The following CLMN variants were observed in gnomAD, a reference collection of about 807,000 sequenced individuals.
The protein encoded by CLMN is calmin.
Under a neutral mutation model 92.7 loss-of-function variants are expected in CLMN, and 57 were observed. That is an observed-to-expected ratio of 0.61 (90% CI 0.50 to 0.77). The LOEUF (loss-of-function observed/expected upper bound fraction) is 0.77, where lower values mean the gene tolerates loss of function less well. Ranked by LOEUF, CLMN falls within the 30% of genes least tolerant of loss-of-function variation. The pLI is 0.00. For synonymous variants in CLMN, 466 were observed against 470.6 expected, an observed-to-expected ratio of 0.99 and a Z score of 0.13; for missense variants, 1,158 against 1,237.5, an observed-to-expected ratio of 0.94 and a Z score of 0.96.
At chr14:95,249,809 G>A (rs149861616) in intron 1 of CLMN, among the ~76,000 whole-genome samples, 3,992 of 152,154 alleles carry the variant, frequency 0.026, 192 homozygotes, top group African/African-American at 0.092. Flanking sequence ...TAGCCAGGGT[G>A]GTCTTGATCT....
intron 1 of CLMN, chr14:95,260,590 C>T (rs1566900860): frequency 6.6e-6 from 1 of 152,170 alleles, no homozygotes; most frequent in Non-Finnish European, 1.5e-5. Flanking sequence ...TTTTGACACA[C>T]AATAACAGAA....
chr14:95,319,726 C>A lies in CLMN; in HGVS notation c.67G>T (p.Val23Leu), dbSNP rs1901963456. 6.3e-7 allele frequency: 1 copy of A among 1,599,020 alleles called. No homozygotes were observed. The highest frequency in any genetic ancestry group is 8.5e-7 in the Non-Finnish European group (1 of 1,176,742). Reference protein sequence around the residue: ...ELIGQISDIRVQNLQVERENV... With the variant: ...ELIGQISDIRLQNLQVERENV... ...GCTGCGTTACCTTGCAGGTTCTGCACTCGGATGTCGCTAATCTGCCCGATG... is the reference window on the plus strand; with the variant it reads ...GCTGCGTTACCTTGCAGGTTCTGCAATCGGATGTCGCTAATCTGCCCGATG... The change falls in exon 1 of 13, where the codon GTG (valine) becomes TTG (leucine). Residue 23 changes from valine to leucine, a missense_variant. Val to Leu is a conservative substitution (Grantham distance 32). Coordinates refer to ENST00000298912, the MANE Select transcript of CLMN (RefSeq NM_024734.4).
chr14:95,274,548 C>G (rs894930686), intron 1 of CLMN, among the ~76,000 whole-genome samples: 2 of 152,144 alleles, frequency 1.3e-5, no homozygotes, highest in Non-Finnish European at 2.9e-5. Context: ...TGGCCCTGGT[C>G]GCTGGATAGA....
rs1357678877 is a variant in CLMN at position 95,317,643 on chromosome 14, G to GTA, written c.82+2066_82+2067dup. On this transcript the variant is annotated intron_variant, in intron 1 of 12. Coordinates refer to ENST00000298912, the MANE Select transcript of CLMN (RefSeq NM_024734.4). Reference sequence around the variant, plus strand: ...AGAGTACATACTGTATGATCCAGTTGTATATCAGGTTCTAGCGGCAAAACT... The same window carrying GTA: ...AGAGTACATACTGTATGATCCAGTTGTATATATCAGGTTCTAGCGGCAAAACT... Among the ~76,000 whole-genome samples, 20 of 151,764 alleles carry GTA rather than the reference G, an allele frequency of 1.3e-4. No individual in the cohort carries two copies. The East Asian group carries it at 2.5e-3, about 19-fold the overall frequency.
chr14:95,204,411 C>T lies in CLMN; in HGVS notation c.938G>A (p.Arg313His), dbSNP rs145924471. Residue 313 changes from arginine (R) to histidine (H), a missense_variant, in exon 9 of 13, where the codon CGC (arginine) becomes CAC (histidine). Arg to His is a conservative substitution (Grantham distance 29, BLOSUM62 0). Coordinates refer to ENST00000298912, the MANE Select transcript of CLMN (RefSeq NM_024734.4). ...KEVPIESTFV[R>H]IKETPSEQES... ...CTGTTCAGAAGGAGTTTCTTTGATG[C>T]GAACAAAAGTGGATTCGATAGGAAC... 24 of 1,610,346 alleles carry T rather than the reference C, an allele frequency of 1.5e-5. No homozygotes were observed. The highest frequency in any genetic ancestry group is 1.6e-4 in the Middle Eastern group (1 of 6,068).
At position 95,203,976 on chromosome 14, in the gene CLMN, C is replaced by T. The variant is rs1196868342; in HGVS notation, c.1373G>A (p.Arg458Lys). 3 of 1,614,186 alleles carry T rather than the reference C, an allele frequency of 1.9e-6. No homozygotes were observed. Among genetic ancestry groups the T allele is most frequent in the South Asian group, 1.1e-5 (1 of 91,084 alleles). ...GSPRVAKESLRQDGHVLAVEV... is the reference protein window; with the variant it reads ...GSPRVAKESLKQDGHVLAVEV... ...AACTGCCAAGACATGTCCATCCTGC[C>T]TCAATGATTCCTTTGCCACTCTTGG... Residue 458 changes from arginine (R) to lysine (K), a missense_variant, in exon 9 of 13, where the codon AGG (arginine) becomes AAG (lysine). Arg to Lys is a conservative substitution (Grantham distance 26). Coordinates refer to ENST00000298912, the MANE Select transcript of CLMN (RefSeq NM_024734.4).
chr14:95,194,145 C>T lies in CLMN; in HGVS notation c.2770-226G>A. 2.8e-6 allele frequency: 4 copies of T among 1,411,516 alleles called. No individual in the cohort carries two copies. Among genetic ancestry groups the T allele is most frequent in the Non-Finnish European group, 3.7e-6 (4 of 1,090,078 alleles). 87.4% of individuals were successfully genotyped at this position (1,411,516 alleles called of 1,614,324 possible). On this transcript the variant is annotated intron_variant, in intron 11 of 12. Transcript: ENST00000298912. This position sits in a 1 kb window ranked among gnomAD's most constrained non-coding sequence, Gnocchi z 4.0. ...GTGCGAGAGACCCCACCACCCGGAA[C>T]CCGGATTGGGGTGTGCTGCTCCGGG...
In CLMN at chr14:95,213,422, T is replaced by C. The variant is rs111858423; in HGVS notation, c.418-13A>G. ...TGAGCTCCTTAATCTGGAAGGAAAATGGCATTTCAGACCCCAGCAACAGAC... is the reference window on the plus strand; with the variant it reads ...TGAGCTCCTTAATCTGGAAGGAAAACGGCATTTCAGACCCCAGCAACAGAC... On this transcript the variant is annotated splice_polypyrimidine_tract_variant and intron_variant, in intron 5 of 12. Coordinates refer to ENST00000298912, the MANE Select transcript of CLMN (RefSeq NM_024734.4). The C allele has an allele frequency of 1.7e-5, 27 of 1,593,314 alleles. No individual in the cohort carries two copies. The African/African-American group carries it at 2.0e-4, about 12-fold the overall frequency.
intron 1 of CLMN, among the ~76,000 whole-genome samples, chr14:95,303,433 C>T (rs1870825233): frequency 6.6e-6 from 1 of 152,228 alleles, no homozygotes; most frequent in Non-Finnish European, 1.5e-5. Context: ...GAAGAGCTTT[C>T]AGTCCACTGA....
rs564512518 is a variant in CLMN, at chr14:95,204,363, G to C, written c.986C>G (p.Thr329Ser). 93 of 1,613,940 alleles carry C rather than the reference G, an allele frequency of 5.8e-5. No homozygotes were observed. The highest frequency in any genetic ancestry group is 7.7e-5 in the Non-Finnish European group (91 of 1,180,024). ...SEQESKVFVL[T>S]ENGERTYTVN... ...AGTGTAGGTACGCTCCCCATTTTCA[G>C]TCAGAACGAAGACTTTGCTCTCCTG... Residue 329 changes from threonine to serine, a missense_variant, in exon 9 of 13, where the codon ACT becomes AGT. Physicochemically the swap from Thr to Ser is moderately conservative, Grantham distance 58. Coordinates refer to ENST00000298912, the MANE Select transcript of CLMN (RefSeq NM_024734.4).
intron 1 of CLMN, among the ~76,000 whole-genome samples, chr14:95,286,486 T>C (rs1470701010): frequency 1.3e-5 from 2 of 152,248 alleles, no homozygotes; most frequent in East Asian, 1.9e-4. Context: ...GGATGGTAAA[T>C]GGGGAGTGAC....
intron 2 of CLMN, among the ~76,000 whole-genome samples, chr14:95,229,419 A>T (rs1335769937): frequency 2.0e-5 from 3 of 152,182 alleles, no homozygotes; most frequent in African/African-American, 7.2e-5. Flanking sequence ...AAAGAATGCA[A>T]GAAGAGAAAG....
chr14:95,297,666 G>A (rs191873147), intron 1 of CLMN, among the ~76,000 whole-genome samples: 61 of 152,242 alleles, frequency 4.0e-4, no homozygotes, highest in African/African-American at 1.2e-3. Context: ...TTTGAGATTC[G>A]TCTGTGCTGT....
intron 2 of CLMN, among the ~76,000 whole-genome samples, chr14:95,225,398 G>A (rs540155345): frequency 6.6e-6 from 1 of 152,324 alleles, no homozygotes; most frequent in East Asian, 1.9e-4. Flanking sequence ...TGTCAGGTGA[G>A]GAATCTGACC....
rs145876907 is a variant in CLMN at position 95,292,058 on chromosome 14, C to T, written c.82+27653G>A. 2.7e-3 allele frequency among the ~76,000 whole-genome samples: 407 copies of T among 152,328 alleles called. 1 individual carries two copies. Among genetic ancestry groups the T allele is most frequent in the South Asian group, 0.012 (57 of 4,820 alleles). On this transcript the variant is annotated intron_variant, in intron 1 of 12. Coordinates refer to ENST00000298912, the MANE Select transcript of CLMN (RefSeq NM_024734.4). ...TCCTCATCTGGCCTCACTGCAAGCC[C>T]GAGAGGAAGGTCTGACTTTTGGGCC...
chr14:95,245,546 G>A (rs1898516271), intron 1 of CLMN, among the ~76,000 whole-genome samples: 1 of 150,248 alleles, frequency 6.7e-6, no homozygotes, highest in Non-Finnish European at 1.5e-5. Flanking sequence ...ATGGATGAAT[G>A]GATAGGTGGA....
In CLMN at chr14:95,259,345, T is replaced by C. The variant is rs774827506; in HGVS notation, c.83-29212A>G. Among the ~76,000 whole-genome samples, 6 of 152,024 alleles carry C rather than the reference T, an allele frequency of 3.9e-5. No homozygotes were observed. The highest frequency in any genetic ancestry group is 5.9e-5 in the Non-Finnish European group (4 of 67,976). ...CTGACAGCAGGCTGGACCCTGGCCG[T>C]CCACTGGCTCCCCACTCACCAGGCC... On this transcript the variant is annotated intron_variant, in intron 1 of 12. Coordinates refer to ENST00000298912, the MANE Select transcript of CLMN (RefSeq NM_024734.4). The surrounding 1 kb of genome is among the most constrained non-coding windows in gnomAD (Gnocchi z 4.3).
At chr14:95,307,039 T>C (rs1183328902) in intron 1 of CLMN, among the ~76,000 whole-genome samples, 2 of 152,202 alleles carry the variant, frequency 1.3e-5, no homozygotes, top group Non-Finnish European at 2.9e-5. Context: ...CTGTTTTCCA[T>C]ACAAACCTTA....
intron 2 of CLMN, among the ~76,000 whole-genome samples, chr14:95,225,152 A>AC (rs1436865645): frequency 7.9e-6 from 1 of 126,708 alleles, no homozygotes; most frequent in Non-Finnish European, 1.7e-5. Context: ...TTAAAGTTGT[A>AC]CCAAAAAAAA....
Sources: gnomAD v4.1 joint callset for allele counts (sites outside exome capture counted in the v4.1 genomes callset) on GRCh38, gnomAD v4.1.1 for gene constraint, Gnocchi (gnomAD v3.1) non-coding constraint, MANE v1.5 for transcripts, NCBI Gene and HGNC (gene_info 2026-07-23, HGNC 2026-07-21) for gene names.